Variants in HCN4 observed in about 807,000 individuals in gnomAD.
HCN4 encodes the protein hyperpolarization activated cyclic nucleotide gated potassium channel 4.
A neutral mutation model predicts 76.9 loss-of-function variants in HCN4; 29 were observed. That is an observed-to-expected ratio of 0.38 (90% CI 0.28 to 0.51). The LOEUF (loss-of-function observed/expected upper bound fraction) is 0.51, where lower values mean the gene tolerates loss of function less well. Among genes scored for constraint, HCN4 ranks in the 20% least tolerant of loss-of-function variants. The pLI is 0.90. For missense variants in HCN4, 1,416 were observed against 1,715.2 expected, an observed-to-expected ratio of 0.83 and a Z score of 3.08; for synonymous variants, 772 against 762.5, an observed-to-expected ratio of 1.01 and a Z score of -0.21.
intron 1 of HCN4, among the ~76,000 whole-genome samples, chr15:73,366,824 T>C (rs1386239637): frequency 1.3e-5 from 2 of 152,210 alleles, no homozygotes; most frequent in Non-Finnish European, 2.9e-5. Flanking sequence ...ACCAGGCATC[T>C]TCACCCATCA....
rs1595837175 is a variant in HCN4, at chr15:73,367,459, C to T, written c.785+27G>A. On this transcript the variant is annotated intron_variant, in intron 1 of 7. Transcript: ENST00000261917. The surrounding 1 kb of genome is among the most constrained non-coding windows in gnomAD (Gnocchi z 7.5). ...CATGCCTGCCACCGCGCAGGGCACC[C>T]ACAGGATCATCGCTGTGGCCCCTTA... 13 of 1,612,312 alleles carry T rather than the reference C, an allele frequency of 8.1e-6. No homozygotes were observed. The highest frequency in any genetic ancestry group is 5.3e-5 in the African/African-American group (4 of 75,002).
chr15:73,322,320 C>G lies in HCN4; in HGVS notation c.*161G>C. ...AGCAAGTGACCAAAAATCTATAGCT[C>G]TAAGAATACCTGGTTATTTTCTGCT... is the stretch of plus-strand genomic sequence containing the variant. On this transcript the variant is annotated 3_prime_UTR_variant, in exon 8 of 8. Transcript: ENST00000261917. 1.5e-6 allele frequency: 1 copy of G among 670,630 alleles called. No homozygotes were observed. The highest frequency in any genetic ancestry group is 2.3e-5 in the Admixed American group (1 of 43,316). The allele number at this position is 670,630 out of a possible 1,614,324, so 41.5% of individuals were successfully genotyped here. A position where few individuals can be genotyped will look rare whatever the true frequency, so the allele number is the denominator to read the frequency against.
chr15:73,344,750 C>T (rs1247498010), intron 1 of HCN4, among the ~76,000 whole-genome samples: 3 of 152,178 alleles, frequency 2.0e-5, no homozygotes, highest in Non-Finnish European at 4.4e-5. Context: ...ACAACACCAA[C>T]TCACAGGTCT....
chr15:73,356,366 T>C (rs2043080304), intron 1 of HCN4, among the ~76,000 whole-genome samples: 1 of 148,308 alleles, frequency 6.7e-6, no homozygotes, highest in Non-Finnish European at 1.5e-5. Context: ...TTTTCTTTCT[T>C]TTCTTTTCTT....
At chr15:73,345,605 G>A (rs886578245) in intron 1 of HCN4, among the ~76,000 whole-genome samples, 1 of 152,148 alleles carries the variant, frequency 6.6e-6, no homozygotes, top group African/African-American at 2.4e-5. Context: ...AGCCGTGCAT[G>A]CTCTACCCAG....
rs1484646861 is a variant in HCN4, at chr15:73,321,967, G to A, written c.*514C>T. The A allele has an allele frequency of 1.1e-5, 2 of 188,476 alleles. No individual in the cohort carries two copies. Among genetic ancestry groups the A allele is most frequent in the African/African-American group, 4.8e-5 (2 of 41,906 alleles). The allele number at this position is 188,476 out of a possible 1,614,324, so 11.7% of individuals were successfully genotyped here. On this transcript the variant is annotated 3_prime_UTR_variant, in exon 8 of 8. Transcript: ENST00000261917. The stretch of plus-strand genomic sequence containing the variant: ...ATATACAGATCTTGCTACGTTTACA[G>A]TAGAAAAAATGCTAGGCCCTCAGGG...
At chr15:73,351,175 T>C (rs1310125484) in intron 1 of HCN4, among the ~76,000 whole-genome samples, 1 of 152,126 alleles carries the variant, frequency 6.6e-6, no homozygotes, top group Non-Finnish European at 1.5e-5. Flanking sequence ...TTTTCTCTGT[T>C]CTCACTGCCT....
At position 73,328,659 on chromosome 15, in the gene HCN4, C is replaced by T. The variant is rs2042914531; in HGVS notation, c.1590+914G>A. ...GCCTCACGCTGTGGAGGCACAGGCCCACGCTCAAACAGAGCTCGGCAGCAG... is the reference window on the plus strand; with the variant it reads ...GCCTCACGCTGTGGAGGCACAGGCCTACGCTCAAACAGAGCTCGGCAGCAG... On this transcript the variant is annotated intron_variant, in intron 4 of 7. Transcript: ENST00000261917. The surrounding 1 kb of genome is among the most constrained non-coding windows in gnomAD (Gnocchi z 4.0). Among the ~76,000 whole-genome samples, 2 of 151,988 alleles carry T rather than the reference C, an allele frequency of 1.3e-5. No individual in the cohort carries two copies. Among genetic ancestry groups the T allele is most frequent in the South Asian group, 4.1e-4 (2 of 4,824 alleles).
At chr15:73,341,736 C>A (rs1221565717) in intron 2 of HCN4, among the ~76,000 whole-genome samples, 1 of 152,198 alleles carries the variant, frequency 6.6e-6, no homozygotes, top group African/African-American at 2.4e-5. Context: ...TTGGGAGAGT[C>A]ACGGCCCCTC....
intron 4 of HCN4, among the ~76,000 whole-genome samples, chr15:73,329,360 G>C (rs1433145815): frequency 6.6e-6 from 1 of 152,150 alleles, no homozygotes; most frequent in African/African-American, 2.4e-5. Context: ...GGTGGGAACA[G>C]AAAAAAAGAC....
chr15:73,334,018 C>G (rs1442367604), intron 2 of HCN4, among the ~76,000 whole-genome samples: 2 of 152,200 alleles, frequency 1.3e-5, no homozygotes, highest in Non-Finnish European at 2.9e-5. Flanking sequence ...TAAAACAACT[C>G]AAACCCAAAG....
chr15:73,340,571 G>A (rs513042), intron 2 of HCN4, among the ~76,000 whole-genome samples: 10,589 of 152,074 alleles, frequency 0.07, 736 homozygotes, highest in African/African-American at 0.18. Flanking sequence ...GGACCCAGCC[G>A]CACCCTCCAG....
Position 73,322,450 on chromosome 15 carries a change from A to G in HCN4, c.*31T>C. ...TGAAGGAAGAAGGAAGGGAGAGAAA[A>G]GAAGAAAGAAGAGGGAAGGAAGGGC... On this transcript the variant is annotated 3_prime_UTR_variant, in exon 8 of 8. Coordinates refer to ENST00000261917, the MANE Select transcript of HCN4 (RefSeq NM_005477.3). 1 of 1,516,086 alleles carries G rather than the reference A, an allele frequency of 6.6e-7. No homozygotes were observed. Among genetic ancestry groups the G allele is most frequent in the Non-Finnish European group, 9.0e-7 (1 of 1,111,872 alleles). 93.9% of individuals were successfully genotyped at this position (1,516,086 alleles called of 1,614,324 possible). A position where few individuals can be genotyped will look rare whatever the true frequency, so the allele number is the denominator to read the frequency against.
At chr15:73,363,020 G>C (rs956325430) in intron 1 of HCN4, among the ~76,000 whole-genome samples, 1 of 152,212 alleles carries the variant, frequency 6.6e-6, no homozygotes, top group Non-Finnish European at 1.5e-5. Context: ...TCCCCAGAGA[G>C]AGCCCTGCTG....
intron 6 of HCN4, among the ~76,000 whole-genome samples, chr15:73,324,721 G>A (rs1173770367): frequency 6.6e-6 from 1 of 152,164 alleles, no homozygotes; most frequent in Non-Finnish European, 1.5e-5. Context: ...CAGCTCAGAT[G>A]GCCAGCCTCC....
rs1397898750 is a variant in HCN4 at position 73,368,017 on chromosome 15, C to A, written c.254G>T (p.Gly85Val). The A allele has an allele frequency of 2.8e-6, 4 of 1,420,122 alleles. No homozygotes were observed. The highest frequency in any genetic ancestry group is 3.7e-6 in the Non-Finnish European group (4 of 1,094,064). The allele number at this position is 1,420,122 out of a possible 1,614,324, so 88.0% of individuals were successfully genotyped here. ...GCAGTCGCCGTTCGTGCTGGACTTG[C>A]CCGCGCCGCGGGCCGGCCCTTCGCT... ...ADSEGPARGA[G>V]KSSTNGDCRR... The change falls in exon 1 of 8, where the codon GGC becomes GTC. Residue 85 changes from glycine to valine, a missense_variant. Gly to Val is a moderately radical substitution (Grantham distance 109). Transcript: ENST00000261917. The surrounding 1 kb of genome is among the most constrained non-coding windows in gnomAD (Gnocchi z 6.9).
At chr15:73,349,909 T>A (rs568677279) in intron 1 of HCN4, among the ~76,000 whole-genome samples, 5 of 152,320 alleles carry the variant, frequency 3.3e-5, no homozygotes, top group Non-Finnish European at 7.3e-5. Flanking sequence ...CCAAATCCTG[T>A]GATTGTCCTG....
chr15:73,351,780 C>T (rs1369559170), intron 1 of HCN4, among the ~76,000 whole-genome samples: 1 of 152,182 alleles, frequency 6.6e-6, no homozygotes, highest in Non-Finnish European at 1.5e-5. Flanking sequence ...CACTGTTGTC[C>T]CCAAGGCCTT....
Position 73,328,379 on chromosome 15 carries a change from T to C in HCN4, c.1590+1194A>G, listed in dbSNP as rs2042913115. ...GAGCATGAGGGCAGATCCCTGGTTA[T>C]GCTCCTCAAATGCCAGGCTGGGAAA... On this transcript the variant is annotated intron_variant, in intron 4 of 7. Coordinates refer to ENST00000261917, the MANE Select transcript of HCN4 (RefSeq NM_005477.3). The surrounding 1 kb of genome is among the most constrained non-coding windows in gnomAD (Gnocchi z 4.0). Among the ~76,000 whole-genome samples the C allele has an allele frequency of 1.3e-5, 2 of 151,958 alleles. No individual in the cohort carries two copies. Among genetic ancestry groups the C allele is most frequent in the South Asian group, 2.1e-4 (1 of 4,816 alleles).
Sources: gnomAD v4.1 joint callset for allele counts (sites outside exome capture counted in the v4.1 genomes callset) on GRCh38, gnomAD v4.1.1 for gene constraint, Gnocchi (gnomAD v3.1) non-coding constraint, MANE v1.5 for transcripts, NCBI Gene and HGNC (gene_info 2026-07-23, HGNC 2026-07-21) for gene names.